Variants in TTLL5 observed in about 807,000 individuals in gnomAD.
The protein encoded by TTLL5 is tubulin polyglutamylase TTLL5.
Under a neutral mutation model 168.4 loss-of-function variants are expected in TTLL5, and 132 were observed. The observed-to-expected ratio is 0.78, with a 90% CI of 0.68 to 0.91. The LOEUF (loss-of-function observed/expected upper bound fraction) is 0.91, where lower values mean the gene tolerates loss of function less well. TTLL5 is among the 40% of genes least tolerant of loss of function. The pLI is 0.00. For missense variants in TTLL5, 1,545 were observed against 1,581.5 expected (o/e 0.98, Z 0.39); for synonymous variants, 546 against 558.6 (o/e 0.98, Z 0.32).
chr14:75,887,291 C>T lies in TTLL5; in HGVS notation c.3740+4389C>T, dbSNP rs189261654. 3.4e-4 allele frequency: 338 copies of T among 985,450 alleles called. No individual in the cohort carries two copies. In the African/African-American group the frequency reaches 5.2e-3, roughly 15 times the overall value. 61.0% of individuals were successfully genotyped at this position (985,450 alleles called of 1,614,324 possible). ...GTCAGAAGAATATGAAAATAAACAC[C>T]GGCTTAAAAAATGTTATATCTTTTT... On this transcript the variant is annotated intron_variant, in intron 30 of 31. Coordinates refer to ENST00000298832, the MANE Select transcript of TTLL5 (RefSeq NM_015072.5).
At chr14:75,917,021 G>C (rs942277154) in intron 31 of TTLL5, among the ~76,000 whole-genome samples, 4 of 152,174 alleles carry the variant, frequency 2.6e-5, no homozygotes, top group African/African-American at 4.8e-5. Flanking sequence ...TGGTCAGCAG[G>C]GGGTGGGGAG....
chr14:75,875,941 A>G (rs1050516878), intron 29 of TTLL5, among the ~76,000 whole-genome samples: 12 of 152,274 alleles, frequency 7.9e-5, no homozygotes, highest in African/African-American at 2.9e-4. Context: ...TGTTTCAAAA[A>G]GAAAAACATC....
At chr14:75,815,937 C>T (rs1175698970) in intron 27 of TTLL5, among the ~76,000 whole-genome samples, 1 of 152,202 alleles carries the variant, frequency 6.6e-6, no homozygotes, top group East Asian at 1.9e-4. Flanking sequence ...GTGCCTAACA[C>T]CGCTACTGTA....
intron 6 of TTLL5, among the ~76,000 whole-genome samples, chr14:75,694,121 T>C (rs974882271): frequency 6.6e-6 from 1 of 152,184 alleles, no homozygotes; most frequent in African/African-American, 2.4e-5. Context: ...TTAGTACATC[T>C]TCATCCTGAA....
At chr14:75,834,859 A>G (rs1450448617) in intron 28 of TTLL5, among the ~76,000 whole-genome samples, 3 of 152,144 alleles carry the variant, frequency 2.0e-5, no homozygotes, top group Non-Finnish European at 4.4e-5. Context: ...TGAGCCCAGG[A>G]GTTTGAGACC....
chr14:75,699,066 G>A, intron 6 of TTLL5, 122 bp from the exon 7 acceptor site: 2 of 813,420 alleles, frequency 2.5e-6, no homozygotes, highest in Middle Eastern at 5.1e-4. Context: ...CCAACACTTA[G>A]AAATTTGTAA....
At chr14:75,715,209 G>A (rs1887348396) in intron 9 of TTLL5, among the ~76,000 whole-genome samples, 1 of 149,198 alleles carries the variant, frequency 6.7e-6, no homozygotes, top group African/African-American at 2.5e-5. Flanking sequence ...TGGCCTCCCT[G>A]CTTAGAAAAC....
At chr14:75,723,376 G>T (rs1449841803) in intron 12 of TTLL5, among the ~76,000 whole-genome samples, 2 of 152,168 alleles carry the variant, frequency 1.3e-5, no homozygotes, top group Admixed American at 6.5e-5. Context: ...ATCTGGTTTG[G>T]TAATGGCCTA....
At position 75,857,100 on chromosome 14, in the gene TTLL5, T is replaced by C. The variant is rs1318829921; in HGVS notation, c.3327-6567T>C. ...TTCTATGTAAACAATCATCTGTCAATGAATAATATCTTTTTTTCTTGTCTT... is the reference window on the plus strand; with the variant it reads ...TTCTATGTAAACAATCATCTGTCAACGAATAATATCTTTTTTTCTTGTCTT... On this transcript the variant is annotated intron_variant, in intron 28 of 31. Coordinates refer to ENST00000298832, the MANE Select transcript of TTLL5 (RefSeq NM_015072.5). 4.6e-5 allele frequency among the ~76,000 whole-genome samples: 7 copies of C among 152,370 alleles called. No individual in the cohort carries two copies. In the East Asian group the frequency reaches 1.3e-3, roughly 29 times the overall value.
chr14:75,759,112 G>T (rs1890469442), intron 18 of TTLL5, among the ~76,000 whole-genome samples: 1 of 152,104 alleles, frequency 6.6e-6, no homozygotes, highest in Non-Finnish European at 1.5e-5. Flanking sequence ...TAGGTAGACT[G>T]ATCTAGAATA....
intron 26 of TTLL5, among the ~76,000 whole-genome samples, chr14:75,786,345 C>T (rs1261202705): frequency 3.3e-5 from 5 of 152,056 alleles, no homozygotes; most frequent in Non-Finnish European, 5.9e-5. Context: ...TGATCCTTTC[C>T]AAGAGAATGA....
chr14:75,676,989 C>T (rs1436909478), intron 3 of TTLL5, among the ~76,000 whole-genome samples: 3 of 151,972 alleles, frequency 2.0e-5, no homozygotes, highest in African/African-American at 7.2e-5. Flanking sequence ...TCAGGCTGGA[C>T]TCAAATTTCT....
chr14:75,741,947 T>C (rs1865181482), intron 15 of TTLL5, among the ~76,000 whole-genome samples: 1 of 152,100 alleles, frequency 6.6e-6, no homozygotes, highest in Non-Finnish European at 1.5e-5. Flanking sequence ...TAGGAGAAGG[T>C]TGCCACATCA....
chr14:75,904,096 C>T, intron 31 of TTLL5: 1 of 1,241,922 alleles, frequency 8.1e-7, no homozygotes, highest in Non-Finnish European at 1.0e-6. Context: ...CCCAGCCACA[C>T]TGATCCATGG....
chr14:75,906,470 T>TA, intron 31 of TTLL5: 1 of 954,142 alleles, frequency 1.0e-6, no homozygotes, highest in Middle Eastern at 5.4e-4. Context: ...GTGATCCCCT[T>TA]AACCTAGTTT....
At chr14:75,716,318 A>G (rs552345067) in intron 9 of TTLL5, among the ~76,000 whole-genome samples, 1 of 152,298 alleles carries the variant, frequency 6.6e-6, no homozygotes, top group South Asian at 2.1e-4. Flanking sequence ...TAGCCTAGTC[A>G]TCATTTTCTC....
intron 31 of TTLL5, among the ~76,000 whole-genome samples, chr14:75,933,929 G>C (rs982375051): frequency 6.6e-6 from 1 of 152,312 alleles, no homozygotes; most frequent in Admixed American, 6.5e-5. Flanking sequence ...CCATCTGCAA[G>C]CCAAGGAAGG....
chr14:75,808,665 C>A (rs1893793702), intron 27 of TTLL5, among the ~76,000 whole-genome samples: 1 of 151,998 alleles, frequency 6.6e-6, no homozygotes, highest in African/African-American at 2.4e-5. Context: ...CAAGGATTAC[C>A]TTTTGCTCTA....
chr14:75,798,039 GCCT>G (rs200522593), intron 27 of TTLL5, among the ~76,000 whole-genome samples: 2,120 of 152,042 alleles, frequency 0.014, 37 homozygotes, highest in African/African-American at 0.044. Flanking sequence ...CTTCTTGAAT[GCCT>G]GATGGAATTC....
Sources: gnomAD v4.1 joint callset for allele counts (sites outside exome capture counted in the v4.1 genomes callset) on GRCh38, gnomAD v4.1.1 for gene constraint, MANE v1.5 for transcripts, NCBI Gene and HGNC (gene_info 2026-07-23, HGNC 2026-07-21) for gene names.